Variants in DDC observed in about 807,000 individuals in gnomAD.
The protein encoded by DDC is aromatic-L-amino-acid decarboxylase.
Under a neutral mutation model 60.0 loss-of-function variants are expected in DDC, and 43 were observed. The observed-to-expected ratio is 0.72, with a 90% CI of 0.56 to 0.92. The LOEUF (loss-of-function observed/expected upper bound fraction) is 0.92, where lower values mean the gene tolerates loss of function less well. DDC is among the 40% of genes least tolerant of loss of function. The probability of loss-of-function intolerance (pLI) is 0.00; values close to 1 mark genes in which losing one functional copy is unlikely to be tolerated. For synonymous variants in DDC, 232 were observed against 234.6 expected (o/e 0.99, Z 0.10); for missense variants, 573 against 620.2 (o/e 0.92, Z 0.81).
chr7:50,493,721 G>A (rs1164609784), intron 9 of DDC, among the ~76,000 whole-genome samples: 1 of 151,700 alleles, frequency 6.6e-6, no homozygotes, highest in East Asian at 1.9e-4. Context: ...CATACCAACT[G>A]GTTTTAAAAT....
chr7:50,563,183 A>G (rs918366365), intron 1 of DDC, among the ~76,000 whole-genome samples: 4 of 151,788 alleles, frequency 2.6e-5, no homozygotes, highest in Non-Finnish European at 4.4e-5. Flanking sequence ...AAAAAAAAAA[A>G]AGTCCAGACA....
intron 6 of DDC, among the ~76,000 whole-genome samples, chr7:50,520,524 A>G (rs535921723): frequency 6.6e-6 from 1 of 152,348 alleles, no homozygotes; most frequent in South Asian, 2.1e-4. Flanking sequence ...ACTTAAAGGG[A>G]AATTTACAGA....
rs1446621492 is a variant in DDC at position 50,469,254 on chromosome 7, TTAAAAA to T, written c.1140+813_1140+818del. Among the ~76,000 whole-genome samples, 170 of 124,798 alleles carry T rather than the reference TTAAAAA, an allele frequency of 1.4e-3. 1 individual carries two copies. The highest frequency in any genetic ancestry group is 4.6e-3 in the African/African-American group (146 of 32,006). The allele number at this position is 124,798 out of a possible 152,430, so 81.9% of individuals were successfully genotyped here. On this transcript the variant is annotated intron_variant, in intron 12 of 14. Coordinates refer to ENST00000444124, the MANE Select transcript of DDC (RefSeq NM_001082971.2). ...CCACCACACCCAGCCAATTGTTATT[TTAAAAA>T]AAAAAAAAAAAAAAAAAGCAGGGGA... is the stretch of plus-strand genomic sequence containing the variant.
At chr7:50,489,545 C>T (rs1345056486) in intron 9 of DDC, among the ~76,000 whole-genome samples, 1 of 152,186 alleles carries the variant, frequency 6.6e-6, no homozygotes, top group Non-Finnish European at 1.5e-5. Flanking sequence ...AAATCTTAAA[C>T]ACTGACAGCA....
intron 1 of DDC, among the ~76,000 whole-genome samples, chr7:50,550,886 C>T (rs1366889514): frequency 2.0e-5 from 3 of 152,084 alleles, no homozygotes; most frequent in African/African-American, 4.8e-5. Context: ...GAGGTATGCC[C>T]GTAATACCTT....
chr7:50,562,437 C>G (rs533186227), intron 1 of DDC, among the ~76,000 whole-genome samples: 1 of 152,354 alleles, frequency 6.6e-6, no homozygotes, highest in African/African-American at 2.4e-5. Context: ...CTCATCCCCC[C>G]AAACACTGTG....
intron 4 of DDC, 120 bp from the exon 5 acceptor site, chr7:50,529,462 CA>C: frequency 8.6e-7 from 1 of 1,168,970 alleles, no homozygotes; most frequent in South Asian, 1.3e-5. Context: ...TCTGAAATGG[CA>C]AAATTCACTC....
intron 10 of DDC, among the ~76,000 whole-genome samples, chr7:50,478,396 G>A (rs2042695753): frequency 6.6e-6 from 1 of 152,196 alleles, no homozygotes; most frequent in East Asian, 1.9e-4. Flanking sequence ...TTCAACAGAT[G>A]AGCCACGTTT....
intron 6 of DDC, among the ~76,000 whole-genome samples, chr7:50,517,275 T>C (rs1226471831): frequency 6.6e-6 from 1 of 152,044 alleles, no homozygotes; most frequent in Non-Finnish European, 1.5e-5. Context: ...TGTATACAAG[T>C]AAATAAATGT....
At chr7:50,515,587 A>G (rs1464042758) in intron 6 of DDC, among the ~76,000 whole-genome samples, 1 of 152,236 alleles carries the variant, frequency 6.6e-6, no homozygotes, top group African/African-American at 2.4e-5. Flanking sequence ...TCATATTTCA[A>G]TACCAAAATT....
chr7:50,529,151 A>G, intron 5 of DDC, 57 bp downstream of exon 5: 1 of 1,609,988 alleles, frequency 6.2e-7, no homozygotes, highest in East Asian at 2.2e-5. Flanking sequence ...TGAATTTGAC[A>G]TAAAACCAAA....
rs554620081 is a variant in DDC at position 50,505,267 on chromosome 7, C to G, written c.715-1208G>C. Among the ~76,000 whole-genome samples, 3 of 152,310 alleles carry G rather than the reference C, an allele frequency of 2.0e-5. No homozygotes were observed. In the East Asian group the frequency reaches 5.8e-4, roughly 29 times the overall value. On this transcript the variant is annotated intron_variant, in intron 6 of 14. Coordinates refer to ENST00000444124, the MANE Select transcript of DDC (RefSeq NM_001082971.2). Reference sequence around the variant, plus strand: ...GCTGGACATTGCATAGATGCTGAAACCTATTGCTGAATTGAAACAGCTCTC... The same window carrying G: ...GCTGGACATTGCATAGATGCTGAAAGCTATTGCTGAATTGAAACAGCTCTC...
intron 6 of DDC, among the ~76,000 whole-genome samples, chr7:50,526,026 T>C (rs192061702): frequency 2.0e-5 from 3 of 152,068 alleles, no homozygotes; most frequent in African/African-American, 4.8e-5. Context: ...AGGCAAACTT[T>C]GGGAAGATAA....
At chr7:50,466,035 G>C (rs1016337218) in intron 13 of DDC, among the ~76,000 whole-genome samples, 2 of 152,218 alleles carry the variant, frequency 1.3e-5, no homozygotes, top group African/African-American at 4.8e-5. Context: ...AGCTCCAAGA[G>C]TCAGGTGAGG....
chr7:50,502,510 A>G (rs770459195), intron 7 of DDC, among the ~76,000 whole-genome samples: 5 of 152,232 alleles, frequency 3.3e-5, no homozygotes, highest in Non-Finnish European at 5.9e-5. Context: ...GAGGACTCCA[A>G]GTTGCTTGGC....
chr7:50,496,704 T>A (rs2043134650), intron 8 of DDC, among the ~76,000 whole-genome samples: 1 of 152,176 alleles, frequency 6.6e-6, no homozygotes, highest in African/African-American at 2.4e-5. Context: ...GATTCATAAT[T>A]GATACCGAAA....
chr7:50,523,138 C>A (rs1472483190), intron 6 of DDC, among the ~76,000 whole-genome samples: 1 of 152,142 alleles, frequency 6.6e-6, no homozygotes, highest in Non-Finnish European at 1.5e-5. Context: ...ATAGACCTTA[C>A]ACCTTTCACA....
intron 6 of DDC, among the ~76,000 whole-genome samples, chr7:50,517,934 G>C (rs1400093783): frequency 2.0e-5 from 3 of 151,866 alleles, no homozygotes; most frequent in Non-Finnish European, 2.9e-5. Context: ...ATGGGGCCGG[G>C]CCTGGTGGCT....
At chr7:50,549,248 G>T (rs982095430) in intron 1 of DDC, among the ~76,000 whole-genome samples, 4 of 152,166 alleles carry the variant, frequency 2.6e-5, no homozygotes, top group Non-Finnish European at 5.9e-5. Flanking sequence ...GTCTTATTAA[G>T]AAATGCATTT....
Sources: allele counts gnomAD v4.1 joint callset (sites outside exome capture counted in the v4.1 genomes callset), GRCh38; gene constraint gnomAD v4.1.1; transcripts MANE v1.5; gene names NCBI Gene and HGNC (gene_info 2026-07-23, HGNC 2026-07-21).